The following ENTREP2 variants were observed in gnomAD, a reference collection of about 807,000 sequenced individuals.
The protein encoded by ENTREP2 is protein ENTREP2.
At chr15:29,538,710 G>A in the ENTREP2 span, among the ~76,000 whole-genome samples, 1 of 151,400 alleles carries the variant, frequency 6.6e-6, no homozygotes, top group South Asian at 2.1e-4. Context: ...TCAGGAGGCT[G>A]AGGCAGGAGA....
At chr15:29,481,062 G>C in the ENTREP2 span, among the ~76,000 whole-genome samples, 1 of 152,288 alleles carries the variant, frequency 6.6e-6, no homozygotes, top group Admixed American at 6.5e-5. Flanking sequence ...GCTGCCTTGG[G>C]GGTCCATGGC....
the ENTREP2 span, among the ~76,000 whole-genome samples, chr15:29,619,109 A>T: frequency 6.6e-6 from 1 of 152,138 alleles, no homozygotes; most frequent in African/African-American, 2.4e-5. Flanking sequence ...TTTTGCATGC[A>T]TGGCTGGGCG....
the ENTREP2 span, among the ~76,000 whole-genome samples, chr15:29,300,022 T>C: frequency 6.7e-6 from 1 of 149,660 alleles, no homozygotes; most frequent in African/African-American, 2.5e-5. Flanking sequence ...TGTGGATGGA[T>C]GTATGGGTGA....
At chr15:29,215,161 G>C in the ENTREP2 span, among the ~76,000 whole-genome samples, 10,170 of 152,108 alleles carry the variant, frequency 0.067, 1,179 homozygotes, top group African/African-American at 0.23. Flanking sequence ...GATATTTTCC[G>C]GTTGGACAAG....
the ENTREP2 span, among the ~76,000 whole-genome samples, chr15:29,648,658 C>T: frequency 1.3e-5 from 2 of 152,162 alleles, no homozygotes. Context: ...TGTATTAGGG[C>T]CGGGCACAGT....
the ENTREP2 span, among the ~76,000 whole-genome samples, chr15:29,264,680 T>C: frequency 6.6e-6 from 1 of 152,204 alleles, no homozygotes; most frequent in Admixed American, 6.5e-5. Context: ...TAGGAACTAC[T>C]GGCAATAGGA....
the ENTREP2 span, among the ~76,000 whole-genome samples, chr15:29,336,048 A>G: frequency 6.8e-6 from 1 of 146,910 alleles, no homozygotes; most frequent in Non-Finnish European, 1.5e-5. Flanking sequence ...AGGCTGAGGC[A>G]GGAGAATGGC....
At chr15:29,657,105 T>C in the ENTREP2 span, among the ~76,000 whole-genome samples, 66 of 152,254 alleles carry the variant, frequency 4.3e-4, no homozygotes, top group Middle Eastern at 3.4e-3. Context: ...CAGAGGGCAG[T>C]GGCGCGGTCT....
At chr15:29,429,896 C>G in the ENTREP2 span, among the ~76,000 whole-genome samples, 1 of 152,224 alleles carries the variant, frequency 6.6e-6, no homozygotes, top group Non-Finnish European at 1.5e-5. Flanking sequence ...TCCTAGCGAG[C>G]CAGGTGGCTT....
chr15:29,665,732 C>T, the ENTREP2 span, among the ~76,000 whole-genome samples: 1 of 152,044 alleles, frequency 6.6e-6, no homozygotes, highest in Non-Finnish European at 1.5e-5. Flanking sequence ...GATTTTTTTT[C>T]CTGCTTCTGT....
the ENTREP2 span, among the ~76,000 whole-genome samples, chr15:29,407,198 CTG>C: frequency 6.6e-6 from 1 of 152,224 alleles, no homozygotes; most frequent in East Asian, 1.9e-4. Context: ...GGCTACAAAA[CTG>C]GGCAGCATGT....
the ENTREP2 span, among the ~76,000 whole-genome samples, chr15:29,486,526 A>G: frequency 6.6e-6 from 1 of 152,196 alleles, no homozygotes; most frequent in Non-Finnish European, 1.5e-5. Flanking sequence ...CCCCATCTCC[A>G]CTAAAGACAT....
At chr15:29,541,462 G>C in the ENTREP2 span, among the ~76,000 whole-genome samples, 6 of 152,276 alleles carry the variant, frequency 3.9e-5, no homozygotes, top group South Asian at 1.0e-3. Flanking sequence ...CAGAAGACAA[G>C]AGCAAGCGGG....
At chr15:29,266,475 G>A in the ENTREP2 span, 1 of 152,194 alleles carries the variant, frequency 6.6e-6, no homozygotes, top group African/African-American at 2.4e-5. Flanking sequence ...TACAATGCCT[G>A]CAAATCTCAA....
chr15:29,557,495 G>A, the ENTREP2 span, among the ~76,000 whole-genome samples: 6 of 152,126 alleles, frequency 3.9e-5, no homozygotes, highest in African/African-American at 1.4e-4. Context: ...AGTGCCACCT[G>A]CTGCATCTAC....
chr15:29,625,755 C>G, the ENTREP2 span, among the ~76,000 whole-genome samples: 4 of 152,198 alleles, frequency 2.6e-5, no homozygotes, highest in Non-Finnish European at 5.9e-5. Flanking sequence ...TTTCACACTT[C>G]CACTAGCTAT....
chr15:29,326,155 C>G, the ENTREP2 span, among the ~76,000 whole-genome samples: 1 of 152,142 alleles, frequency 6.6e-6, no homozygotes, highest in South Asian at 2.1e-4. Flanking sequence ...ACACTTTCCC[C>G]CAAAAAAGAA....
the ENTREP2 span, among the ~76,000 whole-genome samples, chr15:29,378,305 T>C: frequency 6.6e-6 from 1 of 152,124 alleles, no homozygotes; most frequent in Non-Finnish European, 1.5e-5. Context: ...TTACCATCAT[T>C]GTTTACAGTA....
At chr15:29,451,488 G>A in the ENTREP2 span, among the ~76,000 whole-genome samples, 1 of 152,138 alleles carries the variant, frequency 6.6e-6, no homozygotes, top group African/African-American at 2.4e-5. Flanking sequence ...GGGCGCGAGG[G>A]GCTGAGAGGG....
Sources: gnomAD v4.1 joint callset for allele counts (sites outside exome capture counted in the v4.1 genomes callset) on GRCh38, gnomAD v4.1.1 for gene constraint, MANE v1.5 for transcripts, NCBI Gene and HGNC (gene_info 2026-07-23, HGNC 2026-07-21) for gene names.